The following FLYWCH1 variants were observed in gnomAD, a reference collection of about 807,000 sequenced individuals.
The protein encoded by FLYWCH1 is FLYWCH-type zinc finger 1, also known as FLYWCH-type zinc finger-containing protein 1.
In FLYWCH1, 75 loss-of-function variants were observed where a neutral mutation model predicts 66.4. The observed-to-expected ratio is 1.13, with a 90% confidence interval of 0.94 to 1.37. The LOEUF is 1.37. Among genes scored for constraint, FLYWCH1 ranks in the 40% most tolerant of loss-of-function variants. The pLI, the probability that FLYWCH1 is intolerant of heterozygous loss-of-function variation, is 0.00. For synonymous variants in FLYWCH1, 595 were observed against 429.9 expected, an observed-to-expected ratio of 1.38 and a Z score of -4.75; for missense variants, 1,334 against 1,001.8, an observed-to-expected ratio of 1.33 and a Z score of -4.48.
intron 2 of FLYWCH1, among the ~76,000 whole-genome samples, chr16:2,916,361 TGTG>T (rs1567317668): frequency 6.9e-6 from 1 of 144,508 alleles, no homozygotes; most frequent in South Asian, 2.2e-4. Context: ...ACAGGCCGGG[TGTG>T]GTGGCTCACG....
intron 2 of FLYWCH1, among the ~76,000 whole-genome samples, chr16:2,915,801 GAAAA>G (rs545844349): frequency 9.5e-6 from 1 of 105,722 alleles, no homozygotes; most frequent in African/African-American, 3.5e-5. Flanking sequence ...TGTGTCGAGA[GAAAA>G]AAAAAAAAAA....
At chr16:2,943,659 G>A (rs1441970896) in intron 9 of FLYWCH1, 4 of 152,306 alleles carry the variant, frequency 2.6e-5, no homozygotes, top group African/African-American at 9.6e-5. Context: ...AAGCAGGCCA[G>A]GCGCGGGGGT....
intron 5 of FLYWCH1, 39 bp from the exon 6 acceptor site, chr16:2,933,677 C>G (rs555012317): frequency 6.3e-7 from 1 of 1,593,854 alleles, no homozygotes; most frequent in South Asian, 1.1e-5. Context: ...CCTACCCAGC[C>G]CCTGTCCCCT....
chr16:2,917,434 G>A (rs969969450), intron 2 of FLYWCH1, among the ~76,000 whole-genome samples: 1 of 151,564 alleles, frequency 6.6e-6, no homozygotes, highest in Non-Finnish European at 1.5e-5. Flanking sequence ...TTGCCATGTT[G>A]GTCAGGCTGG....
At chr16:2,918,354 A>G (rs2070247346) in intron 2 of FLYWCH1, among the ~76,000 whole-genome samples, 1 of 151,600 alleles carries the variant, frequency 6.6e-6, no homozygotes, top group Non-Finnish European at 1.5e-5. Flanking sequence ...TCACCGTGTT[A>G]GCCAGGATGG....
chr16:2,913,546 G>A (rs1161188666), intron 1 of FLYWCH1, among the ~76,000 whole-genome samples: 2 of 152,202 alleles, frequency 1.3e-5, no homozygotes, highest in Non-Finnish European at 2.9e-5. Context: ...GGGCATGACA[G>A]TGGGATCTGG....
At chr16:2,937,974 G>A (rs540608366) in intron 7 of FLYWCH1, among the ~76,000 whole-genome samples, 2 of 152,278 alleles carry the variant, frequency 1.3e-5, no homozygotes, top group African/African-American at 2.4e-5. Context: ...CAGGCCACGT[G>A]CCCAGTCATC....
chr16:2,929,637 C>T lies in FLYWCH1; in HGVS notation c.-49C>T. Reference sequence around the variant, plus strand: ...GGACGGAACCACTGCACTCCAGGTTCCTTGCTGGGTGCTGAGCGTGGCCTG... The same window carrying T: ...GGACGGAACCACTGCACTCCAGGTTTCTTGCTGGGTGCTGAGCGTGGCCTG... On this transcript the variant is annotated 5_prime_UTR_variant, in exon 3 of 10. Coordinates refer to ENST00000253928, the MANE Select transcript of FLYWCH1 (RefSeq NM_001308068.2). 1 of 1,562,222 alleles carries T rather than the reference C, an allele frequency of 6.4e-7. No individual in the cohort carries two copies. The highest frequency in any genetic ancestry group is 8.7e-7 in the Non-Finnish European group (1 of 1,153,904).
rs1287040439 is a variant in FLYWCH1 at position 2,911,994 on chromosome 16, G to C, written c.-348G>C. 6.6e-6 allele frequency: 1 copy of C among 152,212 alleles called. No individual in the cohort carries two copies. The highest frequency in any genetic ancestry group is 2.1e-4 in the South Asian group (1 of 4,874). 9.4% of individuals were successfully genotyped at this position (152,212 alleles called of 1,614,324 possible). ...CGGCGGGGTCGCGCGCGCGGTCACGGGGCTCGCTCCCGAGGGGCAGGTCGG... is the reference window on the plus strand; with the variant it reads ...CGGCGGGGTCGCGCGCGCGGTCACGCGGCTCGCTCCCGAGGGGCAGGTCGG... On this transcript the variant is annotated 5_prime_UTR_variant, in exon 1 of 10. Transcript: ENST00000253928.
At chr16:2,943,496 A>G (rs1203605325) in intron 9 of FLYWCH1, 1 of 151,456 alleles carries the variant, frequency 6.6e-6, no homozygotes, top group East Asian at 1.9e-4. Context: ...TGCATACCAG[A>G]TCAGTAGAGA....
chr16:2,924,072 G>A (rs759642410), intron 2 of FLYWCH1, among the ~76,000 whole-genome samples: 2 of 151,954 alleles, frequency 1.3e-5, no homozygotes, highest in East Asian at 1.9e-4. Flanking sequence ...GACTCACGCC[G>A]GTAATCCCAG....
intron 9 of FLYWCH1, among the ~76,000 whole-genome samples, chr16:2,940,688 C>T (rs891039436): frequency 3.3e-5 from 5 of 152,258 alleles, no homozygotes; most frequent in South Asian, 2.1e-4. Context: ...CCTCCTGTCT[C>T]GGGTCTCCCG....
intron 9 of FLYWCH1, among the ~76,000 whole-genome samples, chr16:2,947,527 G>A (rs569486970): frequency 2.0e-5 from 3 of 152,334 alleles, no homozygotes; most frequent in South Asian, 2.1e-4. Context: ...TTGGGAGGCT[G>A]AGGAAGGTGG....
intron 4 of FLYWCH1, 84 bp downstream of exon 4, chr16:2,930,964 TC>T: frequency 9.7e-7 from 1 of 1,030,560 alleles, no homozygotes; most frequent in Non-Finnish European, 1.4e-6. Context: ...AAATGTGGGG[TC>T]CCACAGGGTC....
intron 2 of FLYWCH1, among the ~76,000 whole-genome samples, chr16:2,921,670 G>A (rs2070380164): frequency 6.6e-6 from 1 of 152,116 alleles, no homozygotes. Context: ...GCTGAGGTGG[G>A]AAGATGGCTT....
intron 2 of FLYWCH1, among the ~76,000 whole-genome samples, chr16:2,926,082 C>G (rs112798733): frequency 0.016 from 2,425 of 152,310 alleles, 68 homozygotes; most frequent in African/African-American, 0.056. Flanking sequence ...ACTGACTGCC[C>G]CCAGGTCCCT....
intron 2 of FLYWCH1, among the ~76,000 whole-genome samples, chr16:2,924,318 G>A (rs1486151728): frequency 6.7e-6 from 1 of 148,564 alleles, no homozygotes. Flanking sequence ...GTGACAGAGC[G>A]AGACTCCATC....
Position 2,950,342 on chromosome 16 carries a change from C to G in FLYWCH1, c.*1615C>G, listed in dbSNP as rs976381093. On this transcript the variant is annotated 3_prime_UTR_variant, in exon 10 of 10. Coordinates refer to ENST00000253928, the MANE Select transcript of FLYWCH1 (RefSeq NM_001308068.2). ...TACAGACCCAGTACTCCAATCCCGA[C>G]TCCCACTGTGTGGTCCAAATGTGTA... The G allele has an allele frequency of 6.6e-6, 1 of 152,444 alleles. No individual in the cohort carries two copies. Among genetic ancestry groups the G allele is most frequent in the Non-Finnish European group, 1.5e-5 (1 of 68,200 alleles). The allele number at this position is 152,444 out of a possible 1,614,324, so 9.4% of individuals were successfully genotyped here.
intron 2 of FLYWCH1, among the ~76,000 whole-genome samples, chr16:2,917,105 G>A (rs534815772): frequency 1.0e-3 from 152 of 151,530 alleles, no homozygotes; most frequent in African/African-American, 3.5e-3. Context: ...GCAGTGAGCC[G>A]AGATCATGCC....
Sources: allele counts gnomAD v4.1 joint callset (sites outside exome capture counted in the v4.1 genomes callset), GRCh38; gene constraint gnomAD v4.1.1; transcripts MANE v1.5; gene names NCBI Gene and HGNC (gene_info 2026-07-23, HGNC 2026-07-21).